EPS15L1: variants seen among roughly 807,000 people sequenced by gnomAD.
EPS15L1 encodes epidermal growth factor receptor pathway substrate 15 like 1.
A neutral mutation model predicts 117.1 loss-of-function variants in EPS15L1; 43 were observed. That is an observed-to-expected ratio of 0.37 (90% CI 0.29 to 0.47). EPS15L1 has a LOEUF of 0.47. Ranked by LOEUF, EPS15L1 falls within the 20% of genes least tolerant of loss-of-function variation. EPS15L1 has a pLI of 0.99. For missense variants in EPS15L1, 981 were observed against 1,164.0 expected (o/e 0.84, Z 2.29); for synonymous variants, 459 against 470.5 (o/e 0.98, Z 0.32).
chr19:16,358,588 G>T (rs2092012580), intron 23 of EPS15L1, among the ~76,000 whole-genome samples: 1 of 152,112 alleles, frequency 6.6e-6, no homozygotes, highest in Admixed American at 6.5e-5. Flanking sequence ...TCAGGATGGG[G>T]TTCATTTTCA....
chr19:16,395,144 G>A (rs975053384), intron 17 of EPS15L1, among the ~76,000 whole-genome samples, 200 bp downstream of exon 17: 9 of 150,176 alleles, frequency 6.0e-5, no homozygotes, highest in East Asian at 3.9e-4. Context: ...GCAGTGAGCC[G>A]AGATTGCGCC....
At chr19:16,428,513 GAA>G (rs369017043) in intron 8 of EPS15L1, among the ~76,000 whole-genome samples, 187 bp downstream of exon 8, 3,007 of 86,248 alleles carry the variant, frequency 0.035, 112 homozygotes, top group Admixed American at 0.12. Context: ...GAGAGAGAGA[GAA>G]AGAAAGTGAA....
intron 18 of EPS15L1, among the ~76,000 whole-genome samples, chr19:16,393,124 TAAA>T (rs2092497343): frequency 8.0e-6 from 1 of 125,722 alleles, no homozygotes; most frequent in African/African-American, 2.9e-5. Context: ...ATAATAATAA[TAAA>T]CAACGCAGGT....
intron 22 of EPS15L1, among the ~76,000 whole-genome samples, chr19:16,369,676 A>AGTGTGTGTGTGTGTGTGT (rs10543332): frequency 0.017 from 2,533 of 146,058 alleles, 35 homozygotes; most frequent in Middle Eastern, 0.025. Flanking sequence ...AAGAAAAAAA[A>AGTGTGTGTGTGTGTGTGT]GTGTGTGTGT....
chr19:16,465,663 T>C lies in EPS15L1; in HGVS notation c.33+6250A>G, dbSNP rs76359619. 2.1e-3 allele frequency among the ~76,000 whole-genome samples: 319 copies of C among 152,164 alleles called. No homozygotes were observed. In the East Asian group the frequency reaches 0.041, roughly 19 times the overall value. On this transcript the variant is annotated intron_variant, in intron 1 of 23. Coordinates refer to ENST00000455140, the MANE Select transcript of EPS15L1 (RefSeq NM_001258374.3). ...CACCACTGTACTCCAGCGTAGGCAA[T>C]AGAGCAAGAGCCTGTCTCTAAAGGA...
chr19:16,359,773 G>A (rs914422299), intron 23 of EPS15L1, among the ~76,000 whole-genome samples: 3 of 151,976 alleles, frequency 2.0e-5, no homozygotes, highest in Non-Finnish European at 2.9e-5. Flanking sequence ...GAGGTGGGAC[G>A]ATTGCTTGAG....
intron 3 of EPS15L1, 108 bp downstream of exon 3, chr19:16,441,784 C>A: frequency 1.2e-6 from 1 of 815,254 alleles, no homozygotes; most frequent in Non-Finnish European, 2.0e-6. Context: ...AGGCCACTAC[C>A]CAGGAGGCCG....
chr19:16,424,440 A>G (rs897516257), intron 9 of EPS15L1, among the ~76,000 whole-genome samples: 3 of 151,576 alleles, frequency 2.0e-5, no homozygotes, highest in African/African-American at 7.3e-5. Context: ...TGTGCCTACC[A>G]GTGAGTTTGG....
chr19:16,465,673 G>A (rs1194367160), intron 1 of EPS15L1, among the ~76,000 whole-genome samples: 1 of 152,092 alleles, frequency 6.6e-6, no homozygotes, highest in Non-Finnish European at 1.5e-5. Flanking sequence ...TAGAGCAAGA[G>A]CCTGTCTCTA....
At chr19:16,393,365 C>A (rs1006140786) in intron 18 of EPS15L1, among the ~76,000 whole-genome samples, 1 of 151,644 alleles carries the variant, frequency 6.6e-6, no homozygotes. Context: ...AAAAATAAAT[C>A]GGTCGGGCAT....
chr19:16,438,658 T>C (rs1046146552), intron 4 of EPS15L1, among the ~76,000 whole-genome samples: 4 of 152,092 alleles, frequency 2.6e-5, no homozygotes, highest in Admixed American at 2.0e-4. Context: ...GCCTCCTGAG[T>C]AGCTGGGACC....
intron 17 of EPS15L1, among the ~76,000 whole-genome samples, chr19:16,394,915 A>G (rs1398366572): frequency 6.6e-6 from 1 of 152,092 alleles, no homozygotes; most frequent in African/African-American, 2.4e-5. Flanking sequence ...ACAGGGTGAG[A>G]TAAGAAGCTT....
In EPS15L1 at chr19:16,370,727, CTGA is replaced by C. The variant is rs2092211462; in HGVS notation, c.2380+6392_2380+6394del. ...CTGCAGTCAGTTTAAACATACAAGG[CTGA>C]CATTCCTCCCTCTCAGAGTGGGACC... On this transcript the variant is annotated intron_variant, in intron 22 of 23. Coordinates refer to ENST00000455140, the MANE Select transcript of EPS15L1 (RefSeq NM_001258374.3). This position sits in a 1 kb window ranked among gnomAD's most constrained non-coding sequence, Gnocchi z 5.2. 6.6e-6 allele frequency among the ~76,000 whole-genome samples: 1 copy of C among 152,234 alleles called. No homozygotes were observed. Among genetic ancestry groups the C allele is most frequent in the Non-Finnish European group, 1.5e-5 (1 of 68,042 alleles).
intron 9 of EPS15L1, among the ~76,000 whole-genome samples, chr19:16,423,579 TA>T (rs202120798): frequency 0.026 from 3,879 of 146,890 alleles, 121 homozygotes; most frequent in Admixed American, 0.09. Context: ...CTTATATATT[TA>T]AAAAAAAAAA....
At position 16,370,191 on chromosome 19, in the gene EPS15L1, A is replaced by G. The variant is rs984991423; in HGVS notation, c.2380+6931T>C. 1.5e-4 allele frequency among the ~76,000 whole-genome samples: 23 copies of G among 152,182 alleles called. No individual in the cohort carries two copies. Among genetic ancestry groups the G allele is most frequent in the African/African-American group, 4.8e-4 (20 of 41,442 alleles). ...GGTGGGGGACACTTTTGCTCTCTTT[A>G]TGGCCAGATTCCCCATTGCCCGAGT... On this transcript the variant is annotated intron_variant, in intron 22 of 23. Coordinates refer to ENST00000455140, the MANE Select transcript of EPS15L1 (RefSeq NM_001258374.3). The surrounding 1 kb of genome is among the most constrained non-coding windows in gnomAD (Gnocchi z 5.2).
At chr19:16,393,574 G>A (rs1209489823) in intron 18 of EPS15L1, among the ~76,000 whole-genome samples, 146 of 150,670 alleles carry the variant, frequency 9.7e-4, no homozygotes, top group African/African-American at 3.3e-3. Flanking sequence ...GCGTGAACCC[G>A]GGAGGCGGAG....
At chr19:16,395,560 G>A (rs2092531232) in intron 16 of EPS15L1, 93 bp from the exon 17 acceptor site, 13 of 1,277,940 alleles carry the variant, frequency 1.0e-5, no homozygotes, top group Non-Finnish European at 1.5e-5. Context: ...TTTCCACTTT[G>A]AGTAGCATGA....
intron 13 of EPS15L1, among the ~76,000 whole-genome samples, chr19:16,408,018 G>C (rs2092672649): frequency 6.6e-6 from 1 of 152,210 alleles, no homozygotes; most frequent in Non-Finnish European, 1.5e-5. Context: ...GTGGGAGCTG[G>C]GGATGTGGGT....
intron 4 of EPS15L1, 89 bp downstream of exon 4, chr19:16,440,773 G>A (rs747316111): frequency 2.6e-6 from 3 of 1,148,106 alleles, no homozygotes; most frequent in Non-Finnish European, 4.0e-6. Context: ...ATACTTGACA[G>A]TGGAGGAATG....
Sources: gnomAD v4.1 joint callset for allele counts (sites outside exome capture counted in the v4.1 genomes callset) on GRCh38, gnomAD v4.1.1 for gene constraint, Gnocchi (gnomAD v3.1) non-coding constraint, MANE v1.5 for transcripts, NCBI Gene and HGNC (gene_info 2026-07-23, HGNC 2026-07-21) for gene names.